Variants in CFAP299 observed in about 807,000 individuals in gnomAD.
CFAP299 encodes cilia and flagella associated protein 299.
Under a neutral mutation model 27.0 loss-of-function variants are expected in CFAP299, and 21 were observed. That is an observed-to-expected ratio of 0.78 (90% CI 0.55 to 1.12). The LOEUF (loss-of-function observed/expected upper bound fraction) is 1.12. Ranked by LOEUF, CFAP299 falls within the 50% of genes most tolerant of loss-of-function variation. The probability of loss-of-function intolerance (pLI) is 0.00; values close to 1 mark genes in which losing one functional copy is unlikely to be tolerated. For synonymous variants in CFAP299, 104 were observed against 98.1 expected (o/e 1.06, Z -0.36); for missense variants, 310 against 276.6 (o/e 1.12, Z -0.86).
intron 3 of CFAP299, among the ~76,000 whole-genome samples, chr4:80,679,622 G>A (rs1719704851): frequency 6.6e-6 from 1 of 151,758 alleles, no homozygotes; most frequent in South Asian, 2.1e-4. Context: ...ACTAATAGGT[G>A]TATAGTGATA....
At chr4:80,682,434 T>G (rs1229390638) in intron 3 of CFAP299, among the ~76,000 whole-genome samples, 1 of 152,176 alleles carries the variant, frequency 6.6e-6, no homozygotes, top group African/African-American at 2.4e-5. Context: ...TCTTACGTGA[T>G]TAATCATGCC....
At chr4:80,669,900 C>A (rs1741378234) in intron 3 of CFAP299, among the ~76,000 whole-genome samples, 1 of 151,492 alleles carries the variant, frequency 6.6e-6, no homozygotes, top group African/African-American at 2.4e-5. Flanking sequence ...ATAAAAAAAC[C>A]CTTTTTTATT....
At chr4:80,571,492 GAAGT>G (rs1024756312) in intron 2 of CFAP299, among the ~76,000 whole-genome samples, 12 of 151,998 alleles carry the variant, frequency 7.9e-5, no homozygotes, top group African/African-American at 2.7e-4. Flanking sequence ...TTGTACAAAA[GAAGT>G]AATAAGCAAG....
intron 3 of CFAP299, among the ~76,000 whole-genome samples, chr4:80,659,219 T>G (rs950375009): frequency 6.6e-6 from 1 of 151,962 alleles, no homozygotes; most frequent in Non-Finnish European, 1.5e-5. Flanking sequence ...AAGAGTATAC[T>G]TATGACTTCC....
intron 4 of CFAP299, among the ~76,000 whole-genome samples, chr4:80,907,067 A>C (rs1735221504): frequency 6.6e-6 from 1 of 152,122 alleles, no homozygotes; most frequent in Non-Finnish European, 1.5e-5. Flanking sequence ...GCTGCTTAGA[A>C]ATTTCTTCTG....
At chr4:80,724,378 CAAATTAGTGCATTTAAA>C (rs1485543939) in intron 3 of CFAP299, among the ~76,000 whole-genome samples, 2 of 151,732 alleles carry the variant, frequency 1.3e-5, no homozygotes, top group African/African-American at 4.8e-5. Flanking sequence ...ACACAAACTC[CAAATTAGTGCATTTAAA>C]AAATGAGTAA....
At chr4:80,797,157 T>G (rs1727913727) in intron 3 of CFAP299, among the ~76,000 whole-genome samples, 1 of 152,122 alleles carries the variant, frequency 6.6e-6, no homozygotes, top group Admixed American at 6.5e-5. Context: ...CTTTCACCAA[T>G]GCACAGTTAC....
chr4:80,723,657 TTTA>T (rs1294749355), intron 3 of CFAP299, among the ~76,000 whole-genome samples: 1 of 152,172 alleles, frequency 6.6e-6, no homozygotes, highest in African/African-American at 2.4e-5. Context: ...ATTTATTATC[TTTA>T]TTGTTGTGAC....
intron 3 of CFAP299, among the ~76,000 whole-genome samples, chr4:80,671,718 G>A (rs1458330061): frequency 2.6e-5 from 4 of 152,092 alleles, no homozygotes; most frequent in Non-Finnish European, 5.9e-5. Flanking sequence ...CATATCCCTT[G>A]TAAGTTGGAT....
chr4:80,592,017 T>G (rs534618097), intron 3 of CFAP299, among the ~76,000 whole-genome samples: 1 of 152,370 alleles, frequency 6.6e-6, no homozygotes, highest in East Asian at 1.9e-4. Flanking sequence ...GGATTCACAC[T>G]CTGTGTGCAA....
intron 3 of CFAP299, among the ~76,000 whole-genome samples, chr4:80,747,358 T>C (rs7674511): frequency 0.044 from 6,669 of 152,134 alleles, 510 homozygotes; most frequent in African/African-American, 0.15. Context: ...TGCACTATTA[T>C]GGACACACTA....
chr4:80,475,844 C>T (rs1730248556), intron 2 of CFAP299, among the ~76,000 whole-genome samples: 1 of 152,052 alleles, frequency 6.6e-6, no homozygotes, highest in Non-Finnish European at 1.5e-5. Flanking sequence ...CTAGAATATT[C>T]CTAAATTTAG....
At position 80,943,068 on chromosome 4, in the gene CFAP299, G is replaced by A. The variant is rs144158268; in HGVS notation, c.477-1742G>A. Among the ~76,000 whole-genome samples the A allele has an allele frequency of 3.1e-3, 469 of 152,300 alleles. 2 individuals carry two copies. Among genetic ancestry groups the A allele is most frequent in the African/African-American group, 0.011 (450 of 41,558 alleles). On this transcript the variant is annotated intron_variant, in intron 4 of 5. Coordinates refer to ENST00000358105, the MANE Select transcript of CFAP299 (RefSeq NM_152770.3). The stretch of plus-strand genomic sequence containing the variant: ...AACTTCACTTGTGAAGGCTTATTAA[G>A]TTGAGGGCCTAAAAGGCCATGAATG...
chr4:80,467,271 C>A (rs1729752848), intron 2 of CFAP299, among the ~76,000 whole-genome samples: 1 of 152,196 alleles, frequency 6.6e-6, no homozygotes, highest in Non-Finnish European at 1.5e-5. Flanking sequence ...CATTCCCACC[C>A]TCTCTAGGTT....
intron 3 of CFAP299, among the ~76,000 whole-genome samples, chr4:80,823,861 G>A (rs1025763830): frequency 1.3e-5 from 2 of 152,154 alleles, no homozygotes; most frequent in African/African-American, 2.4e-5. Context: ...TAGTATTTGA[G>A]TAGAGCCTTT....
At chr4:80,430,726 G>T (rs1466798053) in intron 2 of CFAP299, among the ~76,000 whole-genome samples, 1 of 152,038 alleles carries the variant, frequency 6.6e-6, no homozygotes, top group Non-Finnish European at 1.5e-5. Flanking sequence ...TGCTCATCCT[G>T]CAGGTTTCCA....
In CFAP299 at chr4:80,628,860, GC is replaced by G. The variant is rs1739055895; in HGVS notation, c.333+45678del. Among the ~76,000 whole-genome samples, 3 of 152,264 alleles carry G rather than the reference GC, an allele frequency of 2.0e-5. No individual in the cohort carries two copies. In the South Asian group the frequency reaches 6.2e-4, roughly 32 times the overall value. On this transcript the variant is annotated intron_variant, in intron 3 of 5. Transcript: ENST00000358105. ...TGTGCGGCAAAGGGAACCCTTGCAC[GC>G]TGTTGGTGAGAATGTAAATTGATGC...
intron 3 of CFAP299, among the ~76,000 whole-genome samples, chr4:80,611,176 G>A (rs991747010): frequency 1.3e-5 from 2 of 152,008 alleles, no homozygotes; most frequent in African/African-American, 4.8e-5. Flanking sequence ...AGTAATAAAT[G>A]TTCTCAGTGC....
chr4:80,404,249 CA>C (rs1314089901), intron 2 of CFAP299, among the ~76,000 whole-genome samples: 1 of 151,904 alleles, frequency 6.6e-6, no homozygotes, highest in Non-Finnish European at 1.5e-5. Context: ...CACACACACA[CA>C]ATATAATTCC....
Sources: gnomAD v4.1 joint callset for allele counts (sites outside exome capture counted in the v4.1 genomes callset) on GRCh38, gnomAD v4.1.1 for gene constraint, MANE v1.5 for transcripts, NCBI Gene and HGNC (gene_info 2026-07-23, HGNC 2026-07-21) for gene names.